The following EP300 variants were observed in gnomAD, a reference collection of about 807,000 sequenced individuals.
The protein encoded by EP300 is histone acetyltransferase p300.
A neutral mutation model predicts 264.0 loss-of-function variants in EP300; 31 were observed. The observed-to-expected ratio is 0.12, with a 90% CI of 0.09 to 0.16. The LOEUF is 0.16. EP300 is among the 10% of genes least tolerant of loss of function. The pLI is 1.00. For missense variants in EP300, 2,766 were observed against 3,052.9 expected (o/e 0.91, Z 2.21); for synonymous variants, 1,340 against 1,045.4 (o/e 1.28, Z -5.44).
rs2145707827 is a variant in EP300 at position 41,125,967 on chromosome 22, C to G, written c.833C>G (p.Thr278Ser). The G allele has an allele frequency of 1.9e-6, 3 of 1,614,210 alleles. No individual in the cohort carries two copies. Among genetic ancestry groups the G allele is most frequent in the Non-Finnish European group, 2.5e-6 (3 of 1,180,038 alleles). ...SGLGLQIQTK[T>S]VLSNNLSPFA... ...CTTGGTCTCCAGATTCAGACAAAAACTGTACTATCAAATAACTTATCTCCA... is the reference window on the plus strand; with the variant it reads ...CTTGGTCTCCAGATTCAGACAAAAAGTGTACTATCAAATAACTTATCTCCA... The change falls in exon 3 of 31, where the codon ACT becomes AGT. Residue 278 changes from threonine to serine, a missense_variant. Physicochemically the swap from Thr to Ser is moderately conservative, Grantham distance 58. Coordinates refer to ENST00000263253, the MANE Select transcript of EP300 (RefSeq NM_001429.4).
intron 29 of EP300, 73 bp from the exon 30 acceptor site, chr22:41,176,174 C>G (rs2145511619): frequency 1.3e-6 from 2 of 1,568,532 alleles, no homozygotes; most frequent in African/African-American, 1.3e-5. Context: ...GAGCCAAGAT[C>G]ACGCCACTGC....
intron 14 of EP300, 28 bp from the exon 15 acceptor site, chr22:41,151,805 C>T (rs753259186): frequency 6.2e-7 from 1 of 1,612,366 alleles, no homozygotes; most frequent in East Asian, 2.2e-5. Flanking sequence ...GCGTGTGTCT[C>T]ACCTACTTCC....
Position 41,171,667 on chromosome 22 carries a change from A to G in EP300, c.4453-832A>G, listed in dbSNP as rs370830606. Among the ~76,000 whole-genome samples, 538 of 142,590 alleles carry G rather than the reference A, an allele frequency of 3.8e-3. 8 individuals are homozygous for G. The highest frequency in any genetic ancestry group is 0.03 in the South Asian group (137 of 4,596). 93.5% of individuals were successfully genotyped at this position (142,590 alleles called of 152,430 possible). On this transcript the variant is annotated intron_variant, in intron 27 of 30. Transcript: ENST00000263253. ...TATATTCTCCCTTTTTTTTTTTTGG[A>G]CGGAGTTTCAGGCTGGAGTGCAATG...
intron 1 of EP300, 93 bp downstream of exon 1, chr22:41,093,191 T>A: frequency 3.3e-6 from 4 of 1,223,808 alleles, no homozygotes; most frequent in Non-Finnish European, 4.7e-6. Flanking sequence ...TTCCTCTCTC[T>A]CTAGTTCCCT....
chr22:41,173,552 G>A lies in EP300; in HGVS notation c.4618-71G>A, dbSNP rs186835098. 6.9e-5 allele frequency: 102 copies of A among 1,479,342 alleles called. No individual in the cohort carries two copies. In the East Asian group the frequency reaches 2.3e-3, roughly 33 times the overall value. 91.6% of individuals were successfully genotyped at this position (1,479,342 alleles called of 1,614,324 possible). ...ATGATATCTAGTTTCAAAGAAGGGA[G>A]ATATTCTGTGCTATTCCCAAATTAC... On this transcript the variant is annotated intron_variant, in intron 28 of 30. Coordinates refer to ENST00000263253, the MANE Select transcript of EP300 (RefSeq NM_001429.4).
intron 1 of EP300, among the ~76,000 whole-genome samples, chr22:41,097,801 T>C (rs1244324396): frequency 6.6e-6 from 1 of 152,118 alleles, no homozygotes; most frequent in Non-Finnish European, 1.5e-5. Flanking sequence ...TTCTTTTTTT[T>C]TTGAGGCAGA....
chr22:41,156,005 T>C (rs767824198), intron 17 of EP300, among the ~76,000 whole-genome samples: 4 of 152,076 alleles, frequency 2.6e-5, no homozygotes, highest in Non-Finnish European at 4.4e-5. Context: ...TTTTTTGTTG[T>C]TGTTATTTGT....
At chr22:41,137,313 C>T (rs1178283989) in intron 7 of EP300, among the ~76,000 whole-genome samples, 1 of 142,736 alleles carries the variant, frequency 7.0e-6, no homozygotes. Flanking sequence ...TCTGGGATTG[C>T]ACCACTACAG....
Position 41,164,071 on chromosome 22 carries a change from G to A in EP300, c.3747G>A (p.Glu1249=), listed in dbSNP as rs200852894. 1.2e-6 allele frequency: 2 copies of A among 1,614,168 alleles called. No homozygotes were observed. Among genetic ancestry groups the A allele is most frequent in the East Asian group, 2.2e-5 (1 of 44,878 alleles). Residue 1249 remains glutamate (E), a synonymous_variant, in exon 22 of 31, where the codon GAG becomes GAA. Transcript: ENST00000263253. ...CTTCCAGGTTTGTTGAATGTACAGA[G>A]TGCGGAAGAAAGATGCATCAGATCT... The part of the protein sequence containing the change: ...LDPELFVECT[E]CGRKMHQICV...
chr22:41,166,254 CA>C (rs2059133457), intron 22 of EP300, among the ~76,000 whole-genome samples: 1 of 152,230 alleles, frequency 6.6e-6, no homozygotes, highest in Non-Finnish European at 1.5e-5. Flanking sequence ...GTTCTACTCT[CA>C]AAATGTACTT....
chr22:41,177,594 C>T lies in EP300; in HGVS notation c.5883C>T (p.Pro1961=). 1 of 1,614,200 alleles carries T rather than the reference C, an allele frequency of 6.2e-7. No homozygotes were observed. Among genetic ancestry groups the T allele is most frequent in the South Asian group, 1.1e-5 (1 of 91,078 alleles). The change falls in exon 31 of 31, where the codon CCC becomes CCT. Residue 1961 remains proline (P), a synonymous_variant. Coordinates refer to ENST00000263253, the MANE Select transcript of EP300 (RefSeq NM_001429.4). ...PIQHQMPPMT[P]MAPMGMNPPP... is the part of the protein sequence containing the mutation. Reference sequence around the variant, plus strand: ...AACACCAGATGCCCCCGATGACTCCCATGGCCCCCATGGGTATGAACCCAC... The same window carrying T: ...AACACCAGATGCCCCCGATGACTCCTATGGCCCCCATGGGTATGAACCCAC...
chr22:41,135,181 G>A (rs549324362), intron 6 of EP300, among the ~76,000 whole-genome samples: 30 of 152,206 alleles, frequency 2.0e-4, no homozygotes, highest in African/African-American at 7.0e-4. Context: ...ATTACAGGAC[G>A]CCCAGCCAGC....
intron 1 of EP300, among the ~76,000 whole-genome samples, chr22:41,096,155 C>T (rs1478742009): frequency 4.0e-5 from 6 of 151,732 alleles, no homozygotes; most frequent in Admixed American, 3.9e-4. Flanking sequence ...TGTTCTCCCT[C>T]TCCCTCCAAA....
rs1021520881 is a variant in EP300 at position 41,176,324 on chromosome 22, C to T, written c.4857C>T (p.Ile1619=). The T allele has an allele frequency of 2.5e-5, 40 of 1,614,114 alleles. No homozygotes were observed. Among genetic ancestry groups the T allele is most frequent in the Non-Finnish European group, 3.3e-5 (39 of 1,180,052 alleles). ...LPPIVDPDPL[I]PCDLMDGRDA... is the part of the protein sequence containing the mutation. ...CCATTGTTGATCCTGATCCTCTCAT[C>T]CCCTGCGATCTGATGGATGGTCGGG... The change falls in exon 30 of 31, where the codon ATC becomes ATT. Residue 1619 remains isoleucine (I), a synonymous_variant. Coordinates refer to ENST00000263253, the MANE Select transcript of EP300 (RefSeq NM_001429.4).
At chr22:41,128,815 T>C (rs1345012150) in intron 4 of EP300, among the ~76,000 whole-genome samples, 1 of 151,392 alleles carries the variant, frequency 6.6e-6, no homozygotes, top group African/African-American at 2.4e-5. Flanking sequence ...TTGGCCAATA[T>C]GTGCAATTTA....
chr22:41,157,212 T>C lies in EP300; in HGVS notation c.3305T>C (p.Ile1102Thr). 1.9e-6 allele frequency: 3 copies of C among 1,614,152 alleles called. No homozygotes were observed. The highest frequency in any genetic ancestry group is 2.5e-6 in the Non-Finnish European group (3 of 1,180,008). ...IVKSPMDLST[I>T]KRKLDTGQYQ... ...AAGAGCCCCATGGATCTTTCTACCA[T>C]TAAGAGGAAGTTAGACACTGGACAG... The change falls in exon 18 of 31, where the codon ATT (isoleucine) becomes ACT (threonine). Residue 1102 changes from isoleucine to threonine, a missense_variant. Physicochemically the swap from Ile to Thr is moderately conservative, Grantham distance 89. Transcript: ENST00000263253.
chr22:41,128,836 A>G lies in EP300; in HGVS notation c.1169-1054A>G, dbSNP rs376898620. On this transcript the variant is annotated intron_variant, in intron 4 of 30. Transcript: ENST00000263253. ...AATATGTGCAATTTAAAAAATATTT[A>G]TACCCCAAAGCATTTAGAAAATTCC... Among the ~76,000 whole-genome samples, 40 of 152,110 alleles carry G rather than the reference A, an allele frequency of 2.6e-4. No individual in the cohort carries two copies. In the East Asian group the frequency reaches 6.2e-3, roughly 24 times the overall value.
At chr22:41,167,584 G>GTGTGTGTATA (rs869093144) in intron 23 of EP300, among the ~76,000 whole-genome samples, 17 of 34,480 alleles carry the variant, frequency 4.9e-4, no homozygotes, top group Non-Finnish European at 7.2e-4. Flanking sequence ...GTGTGTGTGT[G>GTGTGTGTATA]TATATATATA....
intron 22 of EP300, among the ~76,000 whole-genome samples, chr22:41,165,348 G>A (rs1413521050): frequency 6.6e-6 from 1 of 152,058 alleles, no homozygotes; most frequent in Non-Finnish European, 1.5e-5. Context: ...AAAAAGCGAC[G>A]GTCTCAGCTT....
Sources: allele counts gnomAD v4.1 joint callset (sites outside exome capture counted in the v4.1 genomes callset), GRCh38; gene constraint gnomAD v4.1.1; transcripts MANE v1.5; gene names NCBI Gene and HGNC (gene_info 2026-07-23, HGNC 2026-07-21).